Variants in MAP2K4 observed in about 807,000 individuals in gnomAD.
MAP2K4 encodes mitogen-activated protein kinase kinase 4.
Under a neutral mutation model 48.5 loss-of-function variants are expected in MAP2K4, and 4 were observed. The observed-to-expected ratio is 0.08, with a 90% CI of 0.04 to 0.19. The LOEUF is 0.19. MAP2K4 is among the 10% of genes least tolerant of loss of function. The pLI is 1.00. For synonymous variants in MAP2K4, 166 were observed against 173.1 expected, an observed-to-expected ratio of 0.96 and a Z score of 0.32; for missense variants, 258 against 493.3, an observed-to-expected ratio of 0.52 and a Z score of 4.52.
intron 1 of MAP2K4, among the ~76,000 whole-genome samples, chr17:12,038,486 G>T (rs1014597762): frequency 6.6e-6 from 1 of 152,094 alleles, no homozygotes; most frequent in Non-Finnish European, 1.5e-5. Context: ...AGGTACAAAT[G>T]TTAACAGTTA....
intron 4 of MAP2K4, among the ~76,000 whole-genome samples, chr17:12,103,571 C>T (rs1466490546): frequency 2.0e-5 from 3 of 152,056 alleles, no homozygotes; most frequent in East Asian, 3.9e-4. Flanking sequence ...GGCATATTTA[C>T]TCTTTATATG....
At chr17:12,085,695 A>T (rs1466391154) in intron 3 of MAP2K4, among the ~76,000 whole-genome samples, 1 of 151,954 alleles carries the variant, frequency 6.6e-6, no homozygotes, top group African/African-American at 2.4e-5. Flanking sequence ...AGTGTCCTTG[A>T]CCTGGAGTTG....
intron 1 of MAP2K4, among the ~76,000 whole-genome samples, chr17:12,050,562 A>G (rs1036854431): frequency 6.6e-6 from 1 of 152,168 alleles, no homozygotes; most frequent in Non-Finnish European, 1.5e-5. Context: ...TTGGTAACCT[A>G]GATTGCAGAG....
intron 9 of MAP2K4, among the ~76,000 whole-genome samples, chr17:12,132,757 T>G (rs1398823790): frequency 7.0e-6 from 1 of 142,682 alleles, no homozygotes; most frequent in Non-Finnish European, 1.6e-5. Flanking sequence ...AAGGAAAGTT[T>G]ATTAGAAAGA....
At chr17:12,061,926 A>G (rs1970461193) in intron 2 of MAP2K4, among the ~76,000 whole-genome samples, 1 of 152,070 alleles carries the variant, frequency 6.6e-6, no homozygotes, top group Non-Finnish European at 1.5e-5. Context: ...CAACTGAGTA[A>G]CAGTATGATT....
chr17:12,047,390 A>G lies in MAP2K4; in HGVS notation c.116-7499A>G, dbSNP rs28918101. 2.8e-3 allele frequency among the ~76,000 whole-genome samples: 429 copies of G among 152,300 alleles called. 3 individuals carry two copies. The highest frequency in any genetic ancestry group is 0.014 in the Middle Eastern group (4 of 294). ...TGCCTTTACTCCTCACAGTGCCCCT[A>G]TGGGGAAGGTAATATTAATCCCATT... On this transcript the variant is annotated intron_variant, in intron 1 of 10. Transcript: ENST00000353533.
At chr17:12,054,001 T>C (rs2151525503) in intron 1 of MAP2K4, among the ~76,000 whole-genome samples, 1 of 152,284 alleles carries the variant, frequency 6.6e-6, no homozygotes, top group Non-Finnish European at 1.5e-5. Context: ...CTTAAAAAAT[T>C]CAGTTCTGTT....
chr17:12,073,939 A>G (rs759314046), intron 2 of MAP2K4, among the ~76,000 whole-genome samples: 53 of 151,968 alleles, frequency 3.5e-4, no homozygotes, highest in Non-Finnish European at 6.6e-4. Flanking sequence ...ACGCCCAGCT[A>G]ATTTTTGTAT....
intron 5 of MAP2K4, among the ~76,000 whole-genome samples, chr17:12,108,587 T>G (rs1035577201): frequency 1.3e-5 from 2 of 152,072 alleles, no homozygotes; most frequent in Non-Finnish European, 2.9e-5. Flanking sequence ...AAAAGATAAT[T>G]TACTTTTTAT....
chr17:12,076,279 CTGTG>C (rs372806903), intron 2 of MAP2K4, among the ~76,000 whole-genome samples: 5,698 of 135,180 alleles, frequency 0.042, 157 homozygotes, highest in African/African-American at 0.081. Context: ...TGTCACAGTT[CTGTG>C]TGTGTGTGTG....
chr17:12,108,368 G>A (rs558043719), intron 5 of MAP2K4, among the ~76,000 whole-genome samples: 13 of 152,160 alleles, frequency 8.5e-5, no homozygotes, highest in Admixed American at 3.3e-4. Context: ...TGTTTACTGT[G>A]ATTTAAGATT....
intron 6 of MAP2K4, among the ~76,000 whole-genome samples, chr17:12,112,225 G>C (rs1463054873): frequency 1.3e-5 from 2 of 152,132 alleles, no homozygotes; most frequent in African/African-American, 4.8e-5. Flanking sequence ...GCACTTTGGA[G>C]ACCAAGGCAG....
chr17:12,065,954 GA>G, intron 2 of MAP2K4, among the ~76,000 whole-genome samples: 1 of 152,172 alleles, frequency 6.6e-6, no homozygotes, highest in Admixed American at 6.5e-5. Context: ...CATAATGTTT[GA>G]AAGAACCCTA....
At chr17:12,124,954 C>A in intron 7 of MAP2K4, 1 of 258,672 alleles carries the variant, frequency 3.9e-6, no homozygotes, top group South Asian at 5.0e-5. Context: ...GGATTACGGG[C>A]GTGCGCCACT....
chr17:12,068,554 CAAG>C (rs1005697652), intron 2 of MAP2K4, among the ~76,000 whole-genome samples: 18 of 151,924 alleles, frequency 1.2e-4, no homozygotes, highest in African/African-American at 3.1e-4. Flanking sequence ...TAGATGATGA[CAAG>C]GAGGAAGGTG....
intron 3 of MAP2K4, among the ~76,000 whole-genome samples, chr17:12,093,810 A>G (rs1370914126): frequency 2.0e-5 from 3 of 152,188 alleles, no homozygotes; most frequent in Non-Finnish European, 4.4e-5. Context: ...ATATAGGATT[A>G]TTAAGATTCT....
At chr17:12,132,611 A>G (rs561038383) in intron 9 of MAP2K4, among the ~76,000 whole-genome samples, 164 of 139,684 alleles carry the variant, frequency 1.2e-3, no homozygotes, top group African/African-American at 4.6e-3. Flanking sequence ...TTTCCTAAGG[A>G]AAAAAAAAAA....
rs138304516 is a variant in MAP2K4 at position 12,113,339 on chromosome 17, T to C, written c.792T>C (p.Ala264=). 23 of 1,613,690 alleles carry C rather than the reference T, an allele frequency of 1.4e-5. No individual in the cohort carries two copies. In the African/African-American group the frequency reaches 3.1e-4, roughly 22 times the overall value. The change falls in exon 7 of 11, where the codon GCT becomes GCC. Residue 264 remains alanine, a synonymous_variant. Coordinates refer to ENST00000353533, the MANE Select transcript of MAP2K4 (RefSeq NM_003010.4). ...ACTCTATTGCCAAGACAAGAGATGC[T>C]GGCTGTAGGCCATACATGGCAGTAA... The part of the protein sequence containing the change: ...LVDSIAKTRD[A]GCRPYMAPER...
intron 8 of MAP2K4, among the ~76,000 whole-genome samples, 169 bp downstream of exon 8, chr17:12,125,540 A>C (rs1387684981): frequency 5.3e-5 from 8 of 152,324 alleles, no homozygotes; most frequent in African/African-American, 1.9e-4. Context: ...TTAAAAATCA[A>C]ATCAGACTTG....
Sources: gnomAD v4.1 joint callset for allele counts (sites outside exome capture counted in the v4.1 genomes callset) on GRCh38, gnomAD v4.1.1 for gene constraint, MANE v1.5 for transcripts, NCBI Gene and HGNC (gene_info 2026-07-23, HGNC 2026-07-21) for gene names.